The following DYRK1A variants were observed in gnomAD, a reference collection of about 807,000 sequenced individuals.
DYRK1A encodes the protein dual specificity tyrosine phosphorylation regulated kinase 1A.
DYRK1A carries 9 observed loss-of-function variants against 79.7 expected under a neutral mutation model. The observed-to-expected ratio is 0.11, with a 90% CI of 0.07 to 0.20. The LOEUF (loss-of-function observed/expected upper bound fraction) is 0.20, where lower values mean the gene tolerates loss of function less well. Among genes scored for constraint, DYRK1A ranks in the 10% least tolerant of loss-of-function variants. The pLI is 1.00. For missense variants in DYRK1A, 622 were observed against 956.0 expected, an observed-to-expected ratio of 0.65 and a Z score of 4.61; for synonymous variants, 349 against 329.7, an observed-to-expected ratio of 1.06 and a Z score of -0.63.
chr21:37,374,653 C>T (rs1163874923), intron 1 of DYRK1A, among the ~76,000 whole-genome samples: 4 of 151,920 alleles, frequency 2.6e-5, no homozygotes, highest in African/African-American at 7.3e-5. Context: ...CCTGGGTTCA[C>T]GCCATTCTTG....
intron 2 of DYRK1A, among the ~76,000 whole-genome samples, chr21:37,454,986 T>C (rs2051586838): frequency 6.6e-6 from 1 of 151,404 alleles, no homozygotes; most frequent in Admixed American, 6.6e-5. Flanking sequence ...AAGCCGGTAG[T>C]GATTGTAGAG....
chr21:37,408,116 C>T (rs2050181204), intron 1 of DYRK1A, among the ~76,000 whole-genome samples: 1 of 152,176 alleles, frequency 6.6e-6, no homozygotes. Context: ...ACCCTTTTCC[C>T]TTTCCCAGAA....
At chr21:37,469,666 G>T (rs79188240) in intron 2 of DYRK1A, among the ~76,000 whole-genome samples, 1 of 152,112 alleles carries the variant, frequency 6.6e-6, no homozygotes, top group East Asian at 1.9e-4. Context: ...CAGGCAAAAG[G>T]GGGAGGTGCC....
chr21:37,420,243 T>C (rs2050439489), intron 1 of DYRK1A, 56 bp from the exon 2 acceptor site: 1 of 589,690 alleles, frequency 1.7e-6, no homozygotes, highest in Non-Finnish European at 2.9e-6. Context: ...ATTCCTCAGT[T>C]GGGGTAATTG....
chr21:37,421,415 C>T (rs1212616637), intron 2 of DYRK1A, among the ~76,000 whole-genome samples: 3 of 151,892 alleles, frequency 2.0e-5, no homozygotes, highest in Admixed American at 1.3e-4. Context: ...AAGAAATGTG[C>T]TTGAATATAT....
rs539187493 is a variant in DYRK1A, at chr21:37,523,594, T to A, written c.*11063T>A. 6.6e-6 allele frequency: 1 copy of A among 152,286 alleles called. No homozygotes were observed. The highest frequency in any genetic ancestry group is 2.1e-4 in the South Asian group (1 of 4,826). 9.4% of individuals were successfully genotyped at this position (152,286 alleles called of 1,614,324 possible). A position where few individuals can be genotyped will look rare whatever the true frequency, so the allele number is the denominator to read the frequency against. ...ATCGGCTGTTCAGGAACAGGAGAGC[T>A]CTGGAAGAGCAGGGACGACTTTGGC... On this transcript the variant is annotated 3_prime_UTR_variant, in exon 12 of 12. Coordinates refer to ENST00000647188, the MANE Select transcript of DYRK1A (RefSeq NM_001347721.2).
At chr21:37,404,068 AG>A (rs1200227286) in intron 1 of DYRK1A, among the ~76,000 whole-genome samples, 1 of 152,138 alleles carries the variant, frequency 6.6e-6, no homozygotes, top group Non-Finnish European at 1.5e-5. Flanking sequence ...TTAGTCTTGA[AG>A]GAGGAAGGGA....
chr21:37,496,014 G>T, intron 8 of DYRK1A, 104 bp from the exon 9 acceptor site: 1 of 1,119,670 alleles, frequency 8.9e-7, no homozygotes, highest in Non-Finnish European at 1.3e-6. Context: ...AGGAGTGCCA[G>T]ACACACAGGA....
rs573765552 is a variant in DYRK1A at position 37,444,906 on chromosome 21, G to C, written c.10+24522G>C. Among the ~76,000 whole-genome samples, 10 of 152,268 alleles carry C rather than the reference G, an allele frequency of 6.6e-5. No homozygotes were observed. The East Asian group carries it at 1.4e-3, about 21-fold the overall frequency. On this transcript the variant is annotated intron_variant, in intron 2 of 11. Coordinates refer to ENST00000647188, the MANE Select transcript of DYRK1A (RefSeq NM_001347721.2). ...GACAGTCAAGAGCAGAGATTTTTCTGGGTAGGTGCTACACCGAACATATTT... is the reference window on the plus strand; with the variant it reads ...GACAGTCAAGAGCAGAGATTTTTCTCGGTAGGTGCTACACCGAACATATTT...
intron 1 of DYRK1A, among the ~76,000 whole-genome samples, chr21:37,387,099 G>A (rs1184833229): frequency 6.6e-6 from 1 of 152,212 alleles, no homozygotes; most frequent in Non-Finnish European, 1.5e-5. Context: ...GGGTGTGCAA[G>A]TGGGTTCTGA....
intron 2 of DYRK1A, among the ~76,000 whole-genome samples, chr21:37,459,989 G>T (rs2051784681): frequency 6.6e-6 from 1 of 152,152 alleles, no homozygotes; most frequent in Admixed American, 6.5e-5. Flanking sequence ...TGCAGCCATA[G>T]TCATGAAGAT....
chr21:37,417,215 A>T (rs1302175685), intron 1 of DYRK1A, among the ~76,000 whole-genome samples: 4 of 151,984 alleles, frequency 2.6e-5, no homozygotes, highest in African/African-American at 4.8e-5. Flanking sequence ...TTGGAGACAG[A>T]GTTTCCCTCT....
chr21:37,398,460 A>T (rs1040171835), intron 1 of DYRK1A, among the ~76,000 whole-genome samples: 11 of 152,230 alleles, frequency 7.2e-5, no homozygotes, highest in Admixed American at 7.2e-4. Flanking sequence ...TTTAGGAATA[A>T]ACTGGGAAAT....
intron 1 of DYRK1A, among the ~76,000 whole-genome samples, chr21:37,399,719 C>T (rs2050020391): frequency 1.3e-5 from 2 of 152,048 alleles, no homozygotes; most frequent in Admixed American, 1.3e-4. Context: ...TCCAGTGGTT[C>T]TGTCTTTCTA....
chr21:37,392,187 C>A (rs1263990105), intron 1 of DYRK1A, among the ~76,000 whole-genome samples: 1 of 152,138 alleles, frequency 6.6e-6, no homozygotes, highest in African/African-American at 2.4e-5. Flanking sequence ...CTAATGGAAG[C>A]AGTGTTAAAA....
chr21:37,461,783 T>C (rs1398479863), intron 2 of DYRK1A, among the ~76,000 whole-genome samples: 1 of 152,108 alleles, frequency 6.6e-6, no homozygotes, highest in African/African-American at 2.4e-5. Context: ...CTGGCTGCTT[T>C]TACAATTTTT....
At chr21:37,488,836 A>G (rs777103663) in intron 6 of DYRK1A, 5 of 985,388 alleles carry the variant, frequency 5.1e-6, no homozygotes, top group Non-Finnish European at 6.0e-6. Flanking sequence ...CAGGAGATTA[A>G]AAGCCATCCA....
intron 2 of DYRK1A, among the ~76,000 whole-genome samples, chr21:37,453,379 A>G (rs907990408): frequency 1.3e-5 from 2 of 152,172 alleles, no homozygotes; most frequent in African/African-American, 4.8e-5. Context: ...GGGGCTCAGT[A>G]GATGTTTGTT....
At chr21:37,502,763 CCTTT>C (rs1429867473) in intron 9 of DYRK1A, 4 of 152,274 alleles carry the variant, frequency 2.6e-5, no homozygotes, top group Non-Finnish European at 4.4e-5. Flanking sequence ...TCAAGACCTT[CCTTT>C]AACTTTTATT....
Sources: allele counts gnomAD v4.1 joint callset (sites outside exome capture counted in the v4.1 genomes callset), GRCh38; gene constraint gnomAD v4.1.1; transcripts MANE v1.5; gene names NCBI Gene and HGNC (gene_info 2026-07-23, HGNC 2026-07-21).